USP7: variants seen among roughly 807,000 people sequenced by gnomAD.
USP7 encodes ubiquitin C-terminal hydrolase 7.
Under a neutral mutation model 162.9 loss-of-function variants are expected in USP7, and 9 were observed. The observed-to-expected ratio is 0.06, with a 90% CI of 0.03 to 0.10. The LOEUF is 0.10. Among genes scored for constraint, USP7 ranks in the 10% least tolerant of loss-of-function variants. The pLI is 1.00. For synonymous variants in USP7, 562 were observed against 475.9 expected, an observed-to-expected ratio of 1.18 and a Z score of -2.35; for missense variants, 715 against 1,373.7, an observed-to-expected ratio of 0.52 and a Z score of 7.58.
chr16:8,893,907 G>A lies in USP7; in HGVS notation c.*91C>T. On this transcript the variant is annotated 3_prime_UTR_variant, in exon 31 of 31. Coordinates refer to ENST00000344836, the MANE Select transcript of USP7 (RefSeq NM_003470.3). ...ACCAGCAGCGAATCCTCTTGCTGAA[G>A]ACTTCGGCTAGAGGGCACGTGCACC... The A allele has an allele frequency of 8.9e-7, 1 of 1,117,370 alleles. No individual in the cohort carries two copies. Among genetic ancestry groups the A allele is most frequent in the Admixed American group, 1.8e-5 (1 of 56,718 alleles). The allele number at this position is 1,117,370 out of a possible 1,614,324, so 69.2% of individuals were successfully genotyped here. A position where few individuals can be genotyped will look rare whatever the true frequency, so the allele number is the denominator to read the frequency against.
intron 2 of USP7, among the ~76,000 whole-genome samples, chr16:8,929,951 G>A (rs1212563368): frequency 1.3e-5 from 2 of 152,180 alleles, no homozygotes; most frequent in Non-Finnish European, 2.9e-5. Flanking sequence ...ATGTCTGCAC[G>A]TATCTTGCTG....
intron 1 of USP7, among the ~76,000 whole-genome samples, chr16:8,940,104 A>T (rs1459748259): frequency 6.6e-6 from 1 of 152,194 alleles, no homozygotes; most frequent in Non-Finnish European, 1.5e-5. Context: ...TCTCCAAAAA[A>T]AAAAGGCTGT....
intron 1 of USP7, among the ~76,000 whole-genome samples, chr16:8,948,178 CCTGA>C (rs1412818195): frequency 1.3e-5 from 2 of 152,216 alleles, no homozygotes; most frequent in Non-Finnish European, 2.9e-5. Context: ...GTTCCGCTCC[CCTGA>C]TGGAACCCTC....
At chr16:8,894,424 T>C in intron 30 of USP7, 126 bp downstream of exon 30, 1 of 864,504 alleles carries the variant, frequency 1.2e-6, no homozygotes, top group Non-Finnish European at 1.8e-6. Flanking sequence ...TGCTCCTGGT[T>C]CCACAGGTCG....
chr16:8,960,754 C>T (rs1024288901), intron 1 of USP7, among the ~76,000 whole-genome samples: 12 of 152,208 alleles, frequency 7.9e-5, no homozygotes, highest in African/African-American at 2.4e-4. Context: ...CAGAAGTGTT[C>T]TCTCACTCTT....
chr16:8,915,306 A>G lies in USP7; in HGVS notation c.1026T>C (p.Asp342=), dbSNP rs1344697977. The G allele has an allele frequency of 3.7e-6, 6 of 1,612,908 alleles. No homozygotes were observed. In the Middle Eastern group the frequency reaches 5.1e-4, roughly 138 times the overall value. The change falls in exon 10 of 31, where the codon GAT becomes GAC. Residue 342 remains aspartate, a synonymous_variant. Coordinates refer to ENST00000344836, the MANE Select transcript of USP7 (RefSeq NM_003470.3). The stretch of plus-strand genomic sequence containing the variant: ...GGATATCATAATAATCTTCTCTTCT[A>G]TCAGACCGATAGTCTACTTCTTTAC... ...IQCKEVDYRS[D]RREDYYDIQL...
rs555147523 is a variant in USP7 at position 8,917,597 on chromosome 16, T to C, written c.721-441A>G. Among the ~76,000 whole-genome samples, 41 of 152,310 alleles carry C rather than the reference T, an allele frequency of 2.7e-4. No individual in the cohort carries two copies. In the East Asian group the frequency reaches 7.9e-3, roughly 29 times the overall value. On this transcript the variant is annotated intron_variant, in intron 6 of 30. Transcript: ENST00000344836. ...TTTTGCCATTTTGGCCAGACTGGAC[T>C]GAAACTCCTGACCTCAGGGGATCTG...
At chr16:8,931,123 C>T (rs1339815777) in intron 1 of USP7, among the ~76,000 whole-genome samples, 2 of 151,924 alleles carry the variant, frequency 1.3e-5, no homozygotes, top group Non-Finnish European at 2.9e-5. Flanking sequence ...GTGAAGATTA[C>T]TGAACATATG....
At chr16:8,915,105 C>A (rs2062008418) in intron 10 of USP7, 149 bp downstream of exon 10, 2 of 731,190 alleles carry the variant, frequency 2.7e-6, no homozygotes, top group Non-Finnish European at 4.3e-6. Context: ...AGGTAACAAG[C>A]CTGTGTTCAC....
intron 1 of USP7, chr16:8,962,350 A>G: frequency 5.4e-6 from 1 of 184,468 alleles, no homozygotes; most frequent in Non-Finnish European, 1.2e-5. Context: ...TCCAACGACC[A>G]ACTCCCTAAA....
chr16:8,908,146 G>A (rs892513892), intron 12 of USP7, among the ~76,000 whole-genome samples, 195 bp downstream of exon 12: 2 of 152,170 alleles, frequency 1.3e-5, no homozygotes, highest in South Asian at 2.1e-4. Flanking sequence ...AAATGGACTC[G>A]GCAGAGGTTG....
intron 1 of USP7, among the ~76,000 whole-genome samples, chr16:8,960,450 GGCCGGAGA>G (rs1899966131): frequency 6.6e-6 from 1 of 152,242 alleles, no homozygotes; most frequent in Non-Finnish European, 1.5e-5. Context: ...AAGAATGTGA[GGCCGGAGA>G]GCAAACTCAC....
chr16:8,944,736 A>G (rs974860106), intron 1 of USP7, among the ~76,000 whole-genome samples: 2 of 152,230 alleles, frequency 1.3e-5, no homozygotes, highest in African/African-American at 4.8e-5. Context: ...GAGGGGACCT[A>G]CTCAGACTCT....
chr16:8,934,496 C>A (rs1382176135), intron 1 of USP7, among the ~76,000 whole-genome samples: 2 of 152,202 alleles, frequency 1.3e-5, no homozygotes, highest in African/African-American at 4.8e-5. Flanking sequence ...CTCTACCCCC[C>A]ATTTTTCAGC....
At chr16:8,910,394 C>T (rs2061928177) in intron 11 of USP7, among the ~76,000 whole-genome samples, 1 of 152,148 alleles carries the variant, frequency 6.6e-6, no homozygotes, top group Non-Finnish European at 1.5e-5. Context: ...GAAACACAAC[C>T]TAAACACAGT....
chr16:8,899,485 C>T, intron 22 of USP7, 119 bp downstream of exon 22: 1 of 1,306,756 alleles, frequency 7.7e-7, no homozygotes. Flanking sequence ...GGGAGATTTC[C>T]TCGGGCATAG....
chr16:8,936,392 T>C (rs1898726347), intron 1 of USP7, among the ~76,000 whole-genome samples: 1 of 152,174 alleles, frequency 6.6e-6, no homozygotes, highest in South Asian at 2.1e-4. Context: ...AATGAACTCA[T>C]TTAAATATAT....
chr16:8,923,428 C>G lies in USP7; in HGVS notation c.185-15G>C, dbSNP rs373006219. ...CCAACTGGTGTCTGCAAAAAAAACA[C>G]ATCATCAGTCACAGAGCCTGTGCAT... On this transcript the variant is annotated splice_polypyrimidine_tract_variant and intron_variant, in intron 2 of 30. Transcript: ENST00000344836. The G allele has an allele frequency of 1.2e-5, 19 of 1,613,484 alleles. No homozygotes were observed. Among genetic ancestry groups the G allele is most frequent in the Non-Finnish European group, 1.6e-5 (19 of 1,179,652 alleles).
chr16:8,934,427 C>G (rs1056819854), intron 1 of USP7, among the ~76,000 whole-genome samples: 1 of 152,190 alleles, frequency 6.6e-6, no homozygotes, highest in Non-Finnish European at 1.5e-5. Flanking sequence ...ATAATAAAAA[C>G]CAAGATCAAT....
Sources: allele counts gnomAD v4.1 joint callset (sites outside exome capture counted in the v4.1 genomes callset), GRCh38; gene constraint gnomAD v4.1.1; transcripts MANE v1.5; gene names NCBI Gene and HGNC (gene_info 2026-07-23, HGNC 2026-07-21).